Variants in RNF4 observed in about 807,000 individuals in gnomAD.
RNF4 encodes the protein E3 ubiquitin-protein ligase RNF4.
RNF4 carries 7 observed loss-of-function variants against 24.3 expected under a neutral mutation model. The ratio of observed to expected loss-of-function variants is 0.29; its 90% CI spans 0.16 to 0.54. The LOEUF (loss-of-function observed/expected upper bound fraction) is 0.54, where lower values mean the gene tolerates loss of function less well. RNF4 is among the 20% of genes least tolerant of loss of function. RNF4 has a pLI of 0.95. For synonymous variants in RNF4, 83 were observed against 84.3 expected (o/e 0.98, Z 0.09); for missense variants, 209 against 248.5 (o/e 0.84, Z 1.07).
chr4:2,485,429 G>A (rs554066057), intron 1 of RNF4, among the ~76,000 whole-genome samples: 7 of 152,208 alleles, frequency 4.6e-5, no homozygotes, highest in Non-Finnish European at 1.0e-4. Flanking sequence ...ACGTCCATCC[G>A]AGTTCTCACT....
At chr4:2,471,504 T>G (rs963379224) in intron 1 of RNF4, among the ~76,000 whole-genome samples, 6 of 152,222 alleles carry the variant, frequency 3.9e-5, no homozygotes, top group African/African-American at 1.4e-4. Flanking sequence ...AGCAGTCAGT[T>G]GAATCTCTCT....
intron 4 of RNF4, among the ~76,000 whole-genome samples, chr4:2,502,629 G>T (rs1234193663): frequency 6.7e-6 from 1 of 149,612 alleles, no homozygotes. Flanking sequence ...CCGAGATCAC[G>T]TCACTGCACT....
At chr4:2,478,001 A>G (rs1735132088) in intron 1 of RNF4, among the ~76,000 whole-genome samples, 1 of 152,194 alleles carries the variant, frequency 6.6e-6, no homozygotes, top group African/African-American at 2.4e-5. Context: ...TGATAAGGAT[A>G]TGGACAATGA....
chr4:2,498,787 A>G (rs1342573356), intron 3 of RNF4, among the ~76,000 whole-genome samples: 2 of 152,106 alleles, frequency 1.3e-5, no homozygotes, highest in Non-Finnish European at 2.9e-5. Context: ...CAAGTGTGGG[A>G]GGCTGAGGTA....
chr4:2,495,639 T>TGC (rs1553878657), intron 2 of RNF4, among the ~76,000 whole-genome samples: 6 of 132,752 alleles, frequency 4.5e-5, no homozygotes, highest in Non-Finnish European at 6.3e-5. Flanking sequence ...CTTTTTTTTT[T>TGC]GGGGGGGGGT....
chr4:2,490,479 G>A lies in RNF4; in HGVS notation c.-15G>A, dbSNP rs768926508. The stretch of plus-strand genomic sequence containing the variant: ...CTTCCTTTTCTGTAGGAAAGGAAAG[G>A]CACCAAAGAGCACAATGAGTACAGT... On this transcript the variant is annotated 5_prime_UTR_variant, in exon 2 of 8. Coordinates refer to ENST00000314289, the MANE Select transcript of RNF4 (RefSeq NM_002938.5). 9.3e-6 allele frequency: 15 copies of A among 1,612,126 alleles called. No homozygotes were observed. The highest frequency in any genetic ancestry group is 1.2e-5 in the Non-Finnish European group (14 of 1,179,124).
intron 4 of RNF4, chr4:2,505,507 A>G (rs1446975285): frequency 6.6e-6 from 1 of 150,376 alleles, no homozygotes; most frequent in Non-Finnish European, 1.5e-5. Context: ...TTGTATTTTT[A>G]GTAGAGACGG....
chr4:2,479,149 G>A (rs1005747678), intron 1 of RNF4, among the ~76,000 whole-genome samples: 1 of 152,174 alleles, frequency 6.6e-6, no homozygotes, highest in African/African-American at 2.4e-5. Flanking sequence ...CTTTGTTTTG[G>A]CCAATTTCTC....
intron 1 of RNF4, among the ~76,000 whole-genome samples, chr4:2,485,762 G>C (rs1735387390): frequency 6.6e-6 from 1 of 152,156 alleles, no homozygotes; most frequent in African/African-American, 2.4e-5. Context: ...ATAAATATGA[G>C]CATCTGCTTT....
intron 1 of RNF4, chr4:2,479,746 C>A (rs188601998): frequency 6.6e-6 from 1 of 152,182 alleles, no homozygotes; most frequent in Non-Finnish European, 1.5e-5. Flanking sequence ...CAGGTGCACA[C>A]GGCTGTACTG....
In RNF4 at chr4:2,490,414, T is replaced by G. The variant is rs1735545046; in HGVS notation, c.-80T>G. 3 of 1,461,296 alleles carry G rather than the reference T, an allele frequency of 2.1e-6. No individual in the cohort carries two copies. The highest frequency in any genetic ancestry group is 2.8e-5 in the African/African-American group (2 of 72,214). 90.5% of individuals were successfully genotyped at this position (1,461,296 alleles called of 1,614,324 possible). On this transcript the variant is annotated 5_prime_UTR_variant, in exon 2 of 8. The change abolishes the stop of an existing upstream ORF in the 5' untranslated region. Transcript: ENST00000314289. ...TGAGTAACCAGAGGGCATGAAAGGT[T>G]GAGAACATTTGACTTCCCTGCAAAC...
chr4:2,511,921 T>C (rs769074192), intron 4 of RNF4, 35 bp from the exon 5 acceptor site: 2 of 1,588,742 alleles, frequency 1.3e-6, no homozygotes, highest in African/African-American at 1.3e-5. Flanking sequence ...ACTGATTGCT[T>C]CTTTCTCTTT....
chr4:2,474,822 C>A (rs918917574), intron 1 of RNF4, among the ~76,000 whole-genome samples: 18 of 152,270 alleles, frequency 1.2e-4, no homozygotes, highest in African/African-American at 4.3e-4. Flanking sequence ...GTTGGGACTT[C>A]CAGACCAGCC....
At chr4:2,510,913 G>T (rs1736253912) in intron 4 of RNF4, among the ~76,000 whole-genome samples, 1 of 152,182 alleles carries the variant, frequency 6.6e-6, no homozygotes, top group African/African-American at 2.4e-5. Context: ...AGGTTCTTAG[G>T]CCCCCAGGAC....
At chr4:2,504,879 C>T (rs1418314169) in intron 4 of RNF4, among the ~76,000 whole-genome samples, 6 of 151,692 alleles carry the variant, frequency 4.0e-5, no homozygotes, top group Non-Finnish European at 7.4e-5. Context: ...ACTACAGGCA[C>T]GCACCACCAT....
At chr4:2,494,174 AT>A (rs966007293) in intron 2 of RNF4, among the ~76,000 whole-genome samples, 2 of 151,850 alleles carry the variant, frequency 1.3e-5, no homozygotes, top group African/African-American at 4.8e-5. Flanking sequence ...CGTAAATTCA[AT>A]TTTTTTTAGC....
chr4:2,484,432 C>T (rs956593310), intron 1 of RNF4, among the ~76,000 whole-genome samples: 2 of 152,022 alleles, frequency 1.3e-5, no homozygotes, highest in Admixed American at 6.6e-5. Context: ...TTAGCAGACT[C>T]CTTTATGTAT....
intron 4 of RNF4, among the ~76,000 whole-genome samples, chr4:2,511,302 C>T (rs1470109962): frequency 3.7e-5 from 3 of 81,172 alleles, no homozygotes; most frequent in Non-Finnish European, 7.4e-5. Context: ...TTGCAGTCAG[C>T]ACATGGTGTG....
intron 1 of RNF4, among the ~76,000 whole-genome samples, chr4:2,481,755 A>G (rs1183568922): frequency 6.6e-6 from 1 of 152,040 alleles, no homozygotes; most frequent in Non-Finnish European, 1.5e-5. Context: ...TCACCGAGGC[A>G]GGAGTGCAGT....
Sources: gnomAD v4.1 joint callset for allele counts (sites outside exome capture counted in the v4.1 genomes callset) on GRCh38, gnomAD v4.1.1 for gene constraint, MANE v1.5 for transcripts, NCBI Gene and HGNC (gene_info 2026-07-23, HGNC 2026-07-21) for gene names.